RBMS3: variants seen among roughly 807,000 people sequenced by gnomAD.
RBMS3 encodes the protein RNA binding motif single stranded interacting protein 3.
A neutral mutation model predicts 66.8 loss-of-function variants in RBMS3; 27 were observed. The ratio of observed to expected loss-of-function variants is 0.40; its 90% CI spans 0.30 to 0.56. The LOEUF (loss-of-function observed/expected upper bound fraction) is 0.56. Among genes scored for constraint, RBMS3 ranks in the 20% least tolerant of loss-of-function variants. The probability of loss-of-function intolerance (pLI) is 0.40; values close to 1 mark genes in which losing one functional copy is unlikely to be tolerated. For missense variants in RBMS3, 513 were observed against 549.5 expected (o/e 0.93, Z 0.66); for synonymous variants, 188 against 183.0 (o/e 1.03, Z -0.22).
chr3:29,628,118 A>C (rs768537906), intron 4 of RBMS3, among the ~76,000 whole-genome samples: 34 of 152,156 alleles, frequency 2.2e-4, no homozygotes, highest in Non-Finnish European at 2.9e-4. Context: ...GTTTTAGAAG[A>C]ATGTGGAGGG....
chr3:29,308,868 T>G (rs2034196158), intron 1 of RBMS3, among the ~76,000 whole-genome samples: 1 of 150,832 alleles, frequency 6.6e-6, no homozygotes, highest in Non-Finnish European at 1.5e-5. Flanking sequence ...ATGGTAAGGA[T>G]GCTGATATAT....
chr3:29,473,499 C>T lies in RBMS3; in HGVS notation c.249-14942C>T, dbSNP rs919155819. Among the ~76,000 whole-genome samples, 11 of 152,224 alleles carry T rather than the reference C, an allele frequency of 7.2e-5. 1 individual carries two copies. Among genetic ancestry groups the T allele is most frequent in the Admixed American group, 6.5e-4 (10 of 15,294 alleles). On this transcript the variant is annotated intron_variant, in intron 2 of 14. Coordinates refer to ENST00000383767, the MANE Select transcript of RBMS3 (RefSeq NM_001003793.3). ...AGCTGCCTGCCAGTCCCGCGCCGTG[C>T]GCCTGCACTCCTCAGCCCTTGGGTG...
intron 1 of RBMS3, among the ~76,000 whole-genome samples, chr3:29,295,494 T>C (rs1247543759): frequency 1.3e-5 from 2 of 151,132 alleles, no homozygotes; most frequent in East Asian, 2.0e-4. Context: ...ATAATCTCCC[T>C]CAATACACTA....
At chr3:29,535,635 A>G (rs1045067150) in intron 3 of RBMS3, among the ~76,000 whole-genome samples, 2 of 146,178 alleles carry the variant, frequency 1.4e-5, no homozygotes, top group African/African-American at 5.0e-5. Context: ...GTTGTAAAGA[A>G]TTTGTAAGAC....
intron 3 of RBMS3, among the ~76,000 whole-genome samples, chr3:29,580,955 A>C (rs1056644091): frequency 1.3e-5 from 2 of 152,138 alleles, no homozygotes; most frequent in Non-Finnish European, 2.9e-5. Flanking sequence ...GGCAGTCCAT[A>C]TGTGGCTTCT....
intron 2 of RBMS3, among the ~76,000 whole-genome samples, chr3:29,456,116 C>T (rs2042182336): frequency 6.6e-6 from 1 of 152,130 alleles, no homozygotes; most frequent in South Asian, 2.1e-4. Flanking sequence ...ATATGATAGT[C>T]ACCATTTTAT....
At chr3:29,311,340 G>A (rs1274817956) in intron 1 of RBMS3, among the ~76,000 whole-genome samples, 1 of 151,634 alleles carries the variant, frequency 6.6e-6, no homozygotes, top group African/African-American at 2.4e-5. Flanking sequence ...TCTAATAACG[G>A]TTTCTGTACA....
chr3:29,418,621 AAAG>A (rs2040574783), intron 1 of RBMS3, among the ~76,000 whole-genome samples: 2 of 152,182 alleles, frequency 1.3e-5, no homozygotes, highest in African/African-American at 4.8e-5. Context: ...GGCATTAAAA[AAAG>A]AGCTCTGTCT....
chr3:29,998,205 C>G (rs1471023657), intron 14 of RBMS3, among the ~76,000 whole-genome samples: 2 of 152,258 alleles, frequency 1.3e-5, no homozygotes, highest in East Asian at 3.9e-4. Context: ...ATCCAACTTA[C>G]AAGAGATGTG....
intron 6 of RBMS3, among the ~76,000 whole-genome samples, chr3:29,838,953 A>T (rs1228610213): frequency 6.6e-6 from 1 of 152,212 alleles, no homozygotes; most frequent in Admixed American, 6.6e-5. Flanking sequence ...GTTAATGAAC[A>T]TTCTTATAGA....
chr3:29,377,353 CT>C (rs1006459370), intron 1 of RBMS3, among the ~76,000 whole-genome samples: 7 of 152,094 alleles, frequency 4.6e-5, no homozygotes, highest in Non-Finnish European at 1.0e-4. Flanking sequence ...CGGGTGAGGC[CT>C]GCATGTTGGG....
chr3:29,434,935 C>T lies in RBMS3; in HGVS notation c.248+20C>T. On this transcript the variant is annotated intron_variant, in intron 2 of 14. Transcript: ENST00000383767. ...CCAACCGTAAGTGTCCTTCTGCTGCCCGTGCTGTTTCTCACTCCCATACTT... is the reference window on the plus strand; with the variant it reads ...CCAACCGTAAGTGTCCTTCTGCTGCTCGTGCTGTTTCTCACTCCCATACTT... The T allele has an allele frequency of 1.2e-6, 2 of 1,603,624 alleles. No individual in the cohort carries two copies. Among genetic ancestry groups the T allele is most frequent in the Non-Finnish European group, 1.7e-6 (2 of 1,173,558 alleles).
intron 1 of RBMS3, among the ~76,000 whole-genome samples, chr3:29,346,278 C>G (rs906912260): frequency 5.9e-5 from 9 of 151,970 alleles, no homozygotes; most frequent in African/African-American, 2.2e-4. Flanking sequence ...CTGAGGCAAC[C>G]AAAGCCATAT....
chr3:29,970,816 G>A (rs1452710032), intron 12 of RBMS3, among the ~76,000 whole-genome samples: 2 of 152,058 alleles, frequency 1.3e-5, no homozygotes, highest in African/African-American at 4.8e-5. Context: ...CATTAATGAA[G>A]ATTTGGGATG....
At chr3:29,747,134 A>G (rs2054936951) in intron 5 of RBMS3, among the ~76,000 whole-genome samples, 1 of 152,222 alleles carries the variant, frequency 6.6e-6, no homozygotes, top group Non-Finnish European at 1.5e-5. Flanking sequence ...TAAGAGGTGG[A>G]AATATAGCCC....
At chr3:29,991,964 C>A (rs1345755978) in intron 14 of RBMS3, among the ~76,000 whole-genome samples, 1 of 152,068 alleles carries the variant, frequency 6.6e-6, no homozygotes, top group African/African-American at 2.4e-5. Context: ...ACTCATAATG[C>A]AAAGTACATT....
intron 2 of RBMS3, among the ~76,000 whole-genome samples, chr3:29,475,763 AAAGT>A (rs1450960330): frequency 6.6e-6 from 1 of 152,184 alleles, no homozygotes; most frequent in Non-Finnish European, 1.5e-5. Context: ...ATATTTCAAG[AAAGT>A]ATGAAAGCAG....
intron 9 of RBMS3, among the ~76,000 whole-genome samples, chr3:29,898,058 C>T (rs2060168806): frequency 6.6e-6 from 1 of 151,650 alleles, no homozygotes; most frequent in Non-Finnish European, 1.5e-5. Flanking sequence ...GCTGGAAAGT[C>T]TGAGACTCAA....
chr3:29,624,376 A>G (rs1248968095), intron 4 of RBMS3, among the ~76,000 whole-genome samples: 1 of 152,200 alleles, frequency 6.6e-6, no homozygotes, highest in Non-Finnish European at 1.5e-5. Flanking sequence ...CTACAAAGTG[A>G]GACTGTGAGA....
Sources: allele counts gnomAD v4.1 joint callset (sites outside exome capture counted in the v4.1 genomes callset), GRCh38; gene constraint gnomAD v4.1.1; transcripts MANE v1.5; gene names NCBI Gene and HGNC (gene_info 2026-07-23, HGNC 2026-07-21).